Variants in LY96 observed in about 807,000 individuals in gnomAD.
The protein encoded by LY96 is lymphocyte antigen 96.
A neutral mutation model predicts 18.9 loss-of-function variants in LY96; 18 were observed. The ratio of observed to expected loss-of-function variants is 0.95; its 90% CI spans 0.66 to 1.41. LY96 has a LOEUF of 1.41. Ranked by LOEUF, LY96 falls within the 40% of genes most tolerant of loss-of-function variation. The pLI is 0.00. For synonymous variants in LY96, 66 were observed against 62.6 expected, an observed-to-expected ratio of 1.06 and a Z score of -0.26; for missense variants, 175 against 182.4, an observed-to-expected ratio of 0.96 and a Z score of 0.23.
At chr8:74,073,007 C>T in the LY96 span, among the ~76,000 whole-genome samples, 5 of 152,132 alleles carry the variant, frequency 3.3e-5, no homozygotes, top group Non-Finnish European at 5.9e-5. Context: ...TCTGTGTGAG[C>T]CTGGAGCTTG....
the LY96 span, among the ~76,000 whole-genome samples, chr8:74,070,780 A>G: frequency 1.3e-5 from 2 of 152,172 alleles, no homozygotes; most frequent in Admixed American, 1.3e-4. Flanking sequence ...AGGGAATGGC[A>G]CTAGAGACCA....
At position 74,026,859 on chromosome 8, in the gene LY96, T is replaced by G; in HGVS notation, c.384+18T>G. 1 of 1,268,272 alleles carries G rather than the reference T, an allele frequency of 7.9e-7. No individual in the cohort carries two copies. The highest frequency in any genetic ancestry group is 1.5e-5 in the African/African-American group (1 of 68,710). 78.6% of individuals were successfully genotyped at this position (1,268,272 alleles called of 1,614,324 possible). ...TTTCTAAGGTATTGTTCAAGATTTA[T>G]TTTGTACTGTCTAACCTTTAGCAGT... On this transcript the variant is annotated intron_variant, in intron 4 of 4. Coordinates refer to ENST00000284818, the MANE Select transcript of LY96 (RefSeq NM_015364.5).
At chr8:74,054,513 T>G in the LY96 span, among the ~76,000 whole-genome samples, 42 of 146,824 alleles carry the variant, frequency 2.9e-4, no homozygotes, top group Admixed American at 2.7e-3. Flanking sequence ...TTTTTTCTTT[T>G]CTTTCTTTTC....
At chr8:74,068,089 A>AAAATATATATATATATATAT in the LY96 span, among the ~76,000 whole-genome samples, 1 of 67,934 alleles carries the variant, frequency 1.5e-5, no homozygotes, top group African/African-American at 9.6e-5. Context: ...AAAAAAAAAA[A>AAAATATATATATATATATAT]ATATATATAT....
At chr8:74,030,295 C>G (rs1816948799), downstream of LY96, among the ~76,000 whole-genome samples, 1 of 152,096 alleles carries the variant, frequency 6.6e-6, no homozygotes. Context: ...GGCAGATCAC[C>G]TGAGGTCAGG....
the LY96 span, among the ~76,000 whole-genome samples, chr8:74,062,740 T>A: frequency 3.3e-5 from 5 of 152,194 alleles, no homozygotes; most frequent in African/African-American, 1.2e-4. Context: ...TCCTATGTGG[T>A]ATGTTGCTAA....
intron 4 of LY96, among the ~76,000 whole-genome samples, chr8:74,027,706 A>G (rs1816899244): frequency 6.6e-6 from 1 of 152,228 alleles, no homozygotes; most frequent in Non-Finnish European, 1.5e-5. Flanking sequence ...TCAAAATTAC[A>G]AAGTTTTCAG....
At chr8:74,043,109 G>A in the LY96 span, among the ~76,000 whole-genome samples, 2 of 152,182 alleles carry the variant, frequency 1.3e-5, no homozygotes, top group Non-Finnish European at 2.9e-5. Context: ...AAGGCCCACA[G>A]GAGGGTTGAT....
the LY96 span, among the ~76,000 whole-genome samples, chr8:74,040,850 G>A: frequency 7.2e-5 from 11 of 151,962 alleles, no homozygotes; most frequent in South Asian, 6.2e-4. Flanking sequence ...CTACAGGCAC[G>A]TGCCACCACA....
the LY96 span, among the ~76,000 whole-genome samples, chr8:74,078,210 A>G: frequency 6.6e-6 from 1 of 152,158 alleles, no homozygotes; most frequent in Admixed American, 6.5e-5. Context: ...GAGTAAACTC[A>G]ATTTTGAGTA....
chr8:74,045,853 G>A, the LY96 span, among the ~76,000 whole-genome samples: 1 of 152,140 alleles, frequency 6.6e-6, no homozygotes, highest in African/African-American at 2.4e-5. Context: ...TCTCCTGCTG[G>A]GCTCCCCATT....
At chr8:74,070,382 C>T in the LY96 span, among the ~76,000 whole-genome samples, 17 of 151,964 alleles carry the variant, frequency 1.1e-4, no homozygotes, top group African/African-American at 3.9e-4. Flanking sequence ...TGAGCCACCG[C>T]GCCCGGCCTC....
At chr8:74,086,591 T>C in the LY96 span, among the ~76,000 whole-genome samples, 4 of 152,360 alleles carry the variant, frequency 2.6e-5, no homozygotes, top group East Asian at 5.8e-4. Context: ...ATTCTGGTTA[T>C]GTATTAGGAT....
At position 74,021,711 on chromosome 8, in the gene LY96, C is replaced by T. The variant is rs1276540037; in HGVS notation, c.332-5078C>T. Among the ~76,000 whole-genome samples, 3 of 152,104 alleles carry T rather than the reference C, an allele frequency of 2.0e-5. 1 individual carries two copies. In the East Asian group the frequency reaches 5.8e-4, roughly 29 times the overall value. On this transcript the variant is annotated intron_variant, in intron 3 of 4. Coordinates refer to ENST00000284818, the MANE Select transcript of LY96 (RefSeq NM_015364.5). Reference sequence around the variant, plus strand: ...GATAGACGGGATTAAGAAAATGTGGCACATATACACCATGGAATACTATGC... The same window carrying T: ...GATAGACGGGATTAAGAAAATGTGGTACATATACACCATGGAATACTATGC...
chr8:74,045,466 A>T, the LY96 span, among the ~76,000 whole-genome samples: 1 of 152,230 alleles, frequency 6.6e-6, no homozygotes, highest in South Asian at 2.1e-4. Flanking sequence ...AAAATATGTT[A>T]TCCAAGTCTG....
chr8:73,993,406 G>A (rs972322071), intron 1 of LY96, among the ~76,000 whole-genome samples: 4 of 152,018 alleles, frequency 2.6e-5, no homozygotes, highest in Admixed American at 1.3e-4. Context: ...CTTCCAAGTA[G>A]CTGGGACTAC....
chr8:73,994,005 G>A (rs992332664), intron 1 of LY96, among the ~76,000 whole-genome samples: 4 of 150,330 alleles, frequency 2.7e-5, no homozygotes, highest in Non-Finnish European at 5.9e-5. Context: ...TTTTTACTTT[G>A]AGACAGTCTC....
the LY96 span, among the ~76,000 whole-genome samples, chr8:74,055,116 C>T: frequency 1.3e-5 from 2 of 152,050 alleles, no homozygotes; most frequent in Non-Finnish European, 2.9e-5. Flanking sequence ...CCATGTTTCC[C>T]AGGTTGGTCT....
At chr8:74,042,071 A>G in the LY96 span, among the ~76,000 whole-genome samples, 1,152 of 152,328 alleles carry the variant, frequency 7.6e-3, 8 homozygotes, top group Non-Finnish European at 0.012. Flanking sequence ...TTTATTTCTC[A>G]GCCAGCTGAC....
Sources: gnomAD v4.1 joint callset for allele counts (sites outside exome capture counted in the v4.1 genomes callset) on GRCh38, gnomAD v4.1.1 for gene constraint, MANE v1.5 for transcripts, NCBI Gene and HGNC (gene_info 2026-07-23, HGNC 2026-07-21) for gene names.